The following PHRF1 variants were observed in gnomAD, a reference collection of about 807,000 sequenced individuals.
The protein encoded by PHRF1 is PHD and RING finger domain-containing protein 1.
A neutral mutation model predicts 128.9 loss-of-function variants in PHRF1; 53 were observed. The ratio of observed to expected loss-of-function variants is 0.41; its 90% confidence interval spans 0.33 to 0.52. The LOEUF is 0.52. PHRF1 is among the 20% of genes least tolerant of loss of function. The pLI is 0.21. For synonymous variants in PHRF1, 1,178 were observed against 980.6 expected (o/e 1.20, Z -3.76); for missense variants, 2,503 against 2,284.5 (o/e 1.10, Z -1.95).
intron 6 of PHRF1, among the ~76,000 whole-genome samples, chr11:596,583 T>C (rs1218163046): frequency 1.3e-5 from 2 of 152,218 alleles, no homozygotes; most frequent in African/African-American, 2.4e-5. Flanking sequence ...GTCTTCCTTT[T>C]CTTGGTTTTG....
Position 609,755 on chromosome 11 carries a change from C to T in PHRF1, c.4264+35C>T, listed in dbSNP as rs763344152. ...GCCCCGGCCCCCACCGAGGACAGAG[C>T]CCCCAGTGAGTAAGGCCCTGGCCCC... On this transcript the variant is annotated intron_variant, in intron 14 of 17. Transcript: ENST00000264555. 34 of 1,380,738 alleles carry T rather than the reference C, an allele frequency of 2.5e-5. No homozygotes were observed. In the East Asian group the frequency reaches 6.8e-4, roughly 27 times the overall value. The allele number at this position is 1,380,738 out of a possible 1,614,324, so 85.5% of individuals were successfully genotyped here.
At chr11:587,826 C>T (rs1294431849) in intron 4 of PHRF1, among the ~76,000 whole-genome samples, 1 of 152,290 alleles carries the variant, frequency 6.6e-6, no homozygotes, top group Non-Finnish European at 1.5e-5. Context: ...GTGGTTCTCT[C>T]AGTTGATACA....
intron 9 of PHRF1, among the ~76,000 whole-genome samples, chr11:600,619 T>C (rs1035087484): frequency 2.7e-5 from 4 of 148,516 alleles, no homozygotes; most frequent in Non-Finnish European, 4.5e-5. Context: ...TCACCTGAGA[T>C]CAGGAGTTCA....
chr11:578,402 A>G (rs1186361223), intron 1 of PHRF1, among the ~76,000 whole-genome samples: 2 of 152,194 alleles, frequency 1.3e-5, no homozygotes, highest in African/African-American at 2.4e-5. Context: ...GTAAAGTTCA[A>G]AGGCCTCAGG....
chr11:597,360 G>C lies in PHRF1; in HGVS notation c.719-35G>C, dbSNP rs778505390. On this transcript the variant is annotated intron_variant, in intron 7 of 17. Coordinates refer to ENST00000264555, the MANE Select transcript of PHRF1 (RefSeq NM_001286581.2). This position sits in a 1 kb window ranked among gnomAD's most constrained non-coding sequence, Gnocchi z 6.5. ...CCGTTGGGGGAGGCGTGTGGCCTGT[G>C]AGTGTGGCACATCAGCCCTGGTGGT... The C allele has an allele frequency of 4.4e-6, 7 of 1,596,490 alleles. No homozygotes were observed. The highest frequency in any genetic ancestry group is 6.0e-6 in the Non-Finnish European group (7 of 1,170,026).
rs895812738 is a variant in PHRF1, at chr11:608,301, T to C, written c.2845T>C (p.Cys949Arg). ...CTGGGATGAGGAGGATGGGGCGTCT[T>C]GCAGCACCTTCTTTGGCTCTGAGGA... ...EPWDEEDGASCSTFFGSEERT... is the reference protein window; with the variant it reads ...EPWDEEDGASRSTFFGSEERT... Residue 949 changes from cysteine (C) to arginine (R), a missense_variant, in exon 14 of 18, where the codon TGC becomes CGC. Cys to Arg is a radical substitution (Grantham distance 180). Transcript: ENST00000264555. The C allele has an allele frequency of 6.2e-7, 1 of 1,609,544 alleles. No homozygotes were observed. The highest frequency in any genetic ancestry group is 8.5e-7 in the Non-Finnish European group (1 of 1,179,050).
At position 607,100 on chromosome 11, in the gene PHRF1, G is replaced by C. The variant is rs1855993883; in HGVS notation, c.1644G>C (p.Leu548=). 1 of 1,603,104 alleles carries C rather than the reference G, an allele frequency of 6.2e-7. No individual in the cohort carries two copies. Among genetic ancestry groups the C allele is most frequent in the Non-Finnish European group, 8.5e-7 (1 of 1,173,940 alleles). Residue 548 remains leucine (L), a synonymous_variant, in exon 14 of 18, where the codon CTG becomes CTC. Coordinates refer to ENST00000264555, the MANE Select transcript of PHRF1 (RefSeq NM_001286581.2). ...PVSFQRNSGS[L]SRGEEGFKGC... ...CTTTTCAGCGAAACTCAGGCAGTCT[G>C]TCCAGAGGGGAAGAAGGATTCAAGG... is the stretch of plus-strand genomic sequence containing the variant.
At chr11:591,358 T>C (rs1854961148) in intron 4 of PHRF1, 26 bp from the exon 5 acceptor site, 3 of 1,574,130 alleles carry the variant, frequency 1.9e-6, no homozygotes, top group African/African-American at 1.4e-5. Flanking sequence ...TTGACAAGAT[T>C]CTGATCCTGT....
At chr11:578,910 C>T (rs181899851) in intron 1 of PHRF1, among the ~76,000 whole-genome samples, 2 of 151,950 alleles carry the variant, frequency 1.3e-5, no homozygotes, top group African/African-American at 2.4e-5. Context: ...CATGTAGTGG[C>T]GCGATCTCAG....
chr11:605,401 T>C, intron 11 of PHRF1, 101 bp downstream of exon 11: 2 of 1,505,774 alleles, frequency 1.3e-6, no homozygotes, highest in African/African-American at 1.4e-5. Context: ...AGGTTTTGTG[T>C]TTGAGAGTGA....
chr11:589,510 C>T (rs939341678), intron 4 of PHRF1, among the ~76,000 whole-genome samples: 7 of 152,198 alleles, frequency 4.6e-5, no homozygotes, highest in East Asian at 1.9e-4. Flanking sequence ...GAACTGGAAC[C>T]GGTCCAGGAA....
Position 607,048 on chromosome 11 carries a change from G to T in PHRF1, c.1610-18G>T, listed in dbSNP as rs775696194. On this transcript the variant is annotated intron_variant, in intron 13 of 17. Coordinates refer to ENST00000264555, the MANE Select transcript of PHRF1 (RefSeq NM_001286581.2). ...GAGTGGGTGGGAAATGATTGCCATT[G>T]ACTTTTTTGTTTTTTAGCTCCAGTT... 2.6e-6 allele frequency: 4 copies of T among 1,544,036 alleles called. No individual in the cohort carries two copies. In the Admixed American group the frequency reaches 8.7e-5, roughly 33 times the overall value.
chr11:608,270 A>C lies in PHRF1; in HGVS notation c.2814A>C (p.Pro938=). 1.9e-6 allele frequency: 3 copies of C among 1,610,064 alleles called. No homozygotes were observed. The highest frequency in any genetic ancestry group is 1.7e-6 in the Non-Finnish European group (2 of 1,179,490). The change falls in exon 14 of 18, where the codon CCA becomes CCC. Residue 938 remains proline, a synonymous_variant. Transcript: ENST00000264555. Reference sequence around the variant, plus strand: ...CCCGGCTGCGGAGGCCATCCCCCCCAGAGCCCTGGGATGAGGAGGATGGGG... The same window carrying C: ...CCCGGCTGCGGAGGCCATCCCCCCCCGAGCCCTGGGATGAGGAGGATGGGG... The part of the protein sequence containing the change: ...LAARLRRPSP[P]EPWDEEDGAS...
At chr11:591,521 T>G in intron 5 of PHRF1, 54 bp downstream of exon 5, 1 of 1,428,178 alleles carries the variant, frequency 7.0e-7, no homozygotes. Flanking sequence ...CCCGGCCCTG[T>G]GGGACAGAGC....
In PHRF1 at chr11:597,613, C is replaced by CGA; in HGVS notation, c.894+43_894+44insGA. 6.4e-7 allele frequency: 1 copy of CGA among 1,570,948 alleles called. No individual in the cohort carries two copies. Among genetic ancestry groups the CGA allele is most frequent in the South Asian group, 1.2e-5 (1 of 85,706 alleles). On this transcript the variant is annotated intron_variant, in intron 8 of 17. Coordinates refer to ENST00000264555, the MANE Select transcript of PHRF1 (RefSeq NM_001286581.2). The surrounding 1 kb of genome is among the most constrained non-coding windows in gnomAD (Gnocchi z 6.5). ...GACGCCAGTCGTAGAACCCCAGCTG[C>CGA]CCAGAGTGATCTCGGCAGTCTGGGT... is the stretch of plus-strand genomic sequence containing the variant.
At chr11:590,862 C>T (rs1192344890) in intron 4 of PHRF1, among the ~76,000 whole-genome samples, 1 of 152,090 alleles carries the variant, frequency 6.6e-6, no homozygotes, top group Non-Finnish European at 1.5e-5. Context: ...CGCCACCACA[C>T]CTAGCTAATT....
In PHRF1 at chr11:611,760, C is replaced by T. The variant is rs1247856499; in HGVS notation, c.4933C>T (p.Gln1645Ter). 6.2e-7 allele frequency: 1 copy of T among 1,608,408 alleles called. No individual in the cohort carries two copies. Among genetic ancestry groups the T allele is most frequent in the African/African-American group, 1.3e-5 (1 of 74,996 alleles). Residue 1645 changes from glutamine (Q) to a stop codon, truncating the protein, a stop_gained, in exon 18 of 18, where the codon CAG becomes TAG. Coordinates refer to ENST00000264555, the MANE Select transcript of PHRF1 (RefSeq NM_001286581.2). LOFTEE classifies it high-confidence loss of function. ...AGAGGCCGGGGAGGAGCCGCCCACG[C>T]AGGGGGCCGAGGGCTGAGGCCAGGC... is the stretch of plus-strand genomic sequence containing the variant. ...KPEAGEEPPT[Q>*]GAEG
chr11:586,520 A>G (rs573850103), intron 3 of PHRF1, among the ~76,000 whole-genome samples: 1 of 152,314 alleles, frequency 6.6e-6, no homozygotes, highest in African/African-American at 2.4e-5. Context: ...CGGGCCTAGG[A>G]GGAACCTGCC....
intron 9 of PHRF1, among the ~76,000 whole-genome samples, 183 bp from the exon 10 acceptor site, chr11:601,391 T>C (rs913730448): frequency 6.7e-6 from 1 of 149,712 alleles, no homozygotes; most frequent in Non-Finnish European, 1.5e-5. Context: ...ATTGTGCCAC[T>C]GCACTCCAGC....
Sources: gnomAD v4.1 joint callset for allele counts (sites outside exome capture counted in the v4.1 genomes callset) on GRCh38, gnomAD v4.1.1 for gene constraint, Gnocchi (gnomAD v3.1) non-coding constraint, MANE v1.5 for transcripts, NCBI Gene and HGNC (gene_info 2026-07-23, HGNC 2026-07-21) for gene names.